LUZP2: variants seen among roughly 807,000 people sequenced by gnomAD.
The protein encoded by LUZP2 is leucine zipper protein 2.
A neutral mutation model predicts 51.6 loss-of-function variants in LUZP2; 52 were observed. The observed-to-expected ratio is 1.01, with a 90% CI of 0.81 to 1.27. The LOEUF (loss-of-function observed/expected upper bound fraction) is 1.27, where lower values mean the gene tolerates loss of function less well. Among genes scored for constraint, LUZP2 ranks in the 50% most tolerant of loss-of-function variants. The probability of loss-of-function intolerance (pLI) is 0.00; values close to 1 mark genes in which losing one functional copy is unlikely to be tolerated. For missense variants in LUZP2, 436 were observed against 395.4 expected (o/e 1.10, Z -0.87); for synonymous variants, 154 against 137.3 (o/e 1.12, Z -0.85).
intron 7 of LUZP2, among the ~76,000 whole-genome samples, chr11:24,923,639 G>A (rs1854140100): frequency 1.3e-5 from 2 of 152,096 alleles, no homozygotes; most frequent in African/African-American, 4.8e-5. Context: ...AGAGGTTGCA[G>A]TGAGCCAAGA....
chr11:24,881,981 C>G (rs921102850), intron 5 of LUZP2, among the ~76,000 whole-genome samples: 6 of 151,904 alleles, frequency 3.9e-5, no homozygotes, highest in Admixed American at 1.3e-4. Flanking sequence ...ATCTGTTACT[C>G]AATTCCTTAT....
At chr11:24,642,751 G>T (rs1046979029) in intron 1 of LUZP2, among the ~76,000 whole-genome samples, 8 of 149,512 alleles carry the variant, frequency 5.4e-5, no homozygotes, top group Admixed American at 5.3e-4. Flanking sequence ...TCTCAACTCT[G>T]CATGTAAGAG....
At chr11:25,003,647 C>A (rs61892136) in intron 9 of LUZP2, among the ~76,000 whole-genome samples, 2,869 of 152,192 alleles carry the variant, frequency 0.019, 46 homozygotes, top group Non-Finnish European at 0.031. Flanking sequence ...AAGCTTCAGG[C>A]CTTAAGGGAT....
intron 10 of LUZP2, among the ~76,000 whole-genome samples, chr11:25,053,442 C>T (rs184886242): frequency 6.6e-6 from 1 of 151,732 alleles, no homozygotes; most frequent in Non-Finnish European, 1.5e-5. Context: ...AAAAATTCAC[C>T]CATATAAGTG....
chr11:24,695,988 T>G (rs1445571342), intron 1 of LUZP2, among the ~76,000 whole-genome samples: 1 of 152,048 alleles, frequency 6.6e-6, no homozygotes, highest in East Asian at 1.9e-4. Flanking sequence ...TAGAGATTAC[T>G]TGGGATCGGT....
At chr11:24,966,612 G>A (rs952083406) in intron 7 of LUZP2, among the ~76,000 whole-genome samples, 6 of 148,318 alleles carry the variant, frequency 4.0e-5, no homozygotes, top group South Asian at 4.2e-4. Context: ...CATGCATTAC[G>A]TTTATATATA....
intron 5 of LUZP2, among the ~76,000 whole-genome samples, chr11:24,859,008 C>A (rs1486672): frequency 3.3e-5 from 5 of 151,978 alleles, no homozygotes; most frequent in Admixed American, 2.6e-4. Context: ...ACCTCCACTC[C>A]AAGCCCACAA....
chr11:24,608,675 T>C (rs1013285651), intron 1 of LUZP2, among the ~76,000 whole-genome samples: 1 of 152,200 alleles, frequency 6.6e-6, no homozygotes, highest in African/African-American at 2.4e-5. Context: ...TTTATACATA[T>C]GCACACACAC....
chr11:24,865,220 A>C (rs909041237), intron 5 of LUZP2, among the ~76,000 whole-genome samples: 1 of 152,222 alleles, frequency 6.6e-6, no homozygotes, highest in Admixed American at 6.5e-5. Context: ...CTCTCAGGTA[A>C]TGTCAGCTGA....
chr11:24,805,425 C>A (rs183660985), intron 5 of LUZP2, among the ~76,000 whole-genome samples: 1 of 152,004 alleles, frequency 6.6e-6, no homozygotes, highest in East Asian at 1.9e-4. Context: ...AGGTTGGCCA[C>A]GCTGGTCTCA....
At chr11:25,042,398 A>G (rs987453728) in intron 9 of LUZP2, among the ~76,000 whole-genome samples, 1 of 152,302 alleles carries the variant, frequency 6.6e-6, no homozygotes, top group East Asian at 1.9e-4. Context: ...TAGGCTTCAA[A>G]CTTTTTATCA....
At chr11:25,067,461 A>G (rs894595333) in intron 10 of LUZP2, among the ~76,000 whole-genome samples, 11 of 152,072 alleles carry the variant, frequency 7.2e-5, no homozygotes, top group African/African-American at 2.7e-4. Context: ...GGCCATGCCT[A>G]AGTCCTGAAT....
intron 1 of LUZP2, among the ~76,000 whole-genome samples, chr11:24,692,454 C>T (rs1194424015): frequency 6.6e-6 from 1 of 151,866 alleles, no homozygotes; most frequent in Admixed American, 6.6e-5. Context: ...CTTTTCAAAC[C>T]CAAGTTTTCA....
At chr11:24,933,895 G>T (rs755309145) in intron 7 of LUZP2, among the ~76,000 whole-genome samples, 6 of 152,134 alleles carry the variant, frequency 3.9e-5, no homozygotes, top group Non-Finnish European at 7.3e-5. Flanking sequence ...CTGTGGGCAG[G>T]GGGTGGATCT....
intron 5 of LUZP2, among the ~76,000 whole-genome samples, chr11:24,842,283 A>C (rs1011182163): frequency 1.1e-4 from 16 of 149,450 alleles, no homozygotes; most frequent in Non-Finnish European, 2.2e-4. Context: ...CATAATATAT[A>C]ATTTATTAAA....
intron 5 of LUZP2, among the ~76,000 whole-genome samples, chr11:24,815,218 G>A (rs1001358489): frequency 3.9e-5 from 6 of 152,036 alleles, no homozygotes; most frequent in Non-Finnish European, 8.8e-5. Context: ...CATTATTTTT[G>A]TAATGTAATT....
chr11:24,519,868 A>G (rs545122307), intron 1 of LUZP2, among the ~76,000 whole-genome samples: 1 of 152,332 alleles, frequency 6.6e-6, no homozygotes, highest in East Asian at 1.9e-4. Flanking sequence ...ATTTTAGTTC[A>G]GACAATCTTT....
intron 1 of LUZP2, among the ~76,000 whole-genome samples, chr11:24,568,549 C>T (rs1210568769): frequency 6.6e-6 from 1 of 151,504 alleles, no homozygotes; most frequent in Non-Finnish European, 1.5e-5. Flanking sequence ...TAAAAATTGA[C>T]AGAATTGAAG....
intron 7 of LUZP2, among the ~76,000 whole-genome samples, chr11:24,927,706 G>C (rs1444503193): frequency 6.6e-6 from 1 of 151,776 alleles, no homozygotes; most frequent in Non-Finnish European, 1.5e-5. Flanking sequence ...TGCTTAGTCT[G>C]GCTTTGGCTA....
Sources: gnomAD v4.1 joint callset for allele counts (sites outside exome capture counted in the v4.1 genomes callset) on GRCh38, gnomAD v4.1.1 for gene constraint, MANE v1.5 for transcripts, NCBI Gene and HGNC (gene_info 2026-07-23, HGNC 2026-07-21) for gene names.